The following AFF2 variants were observed in gnomAD, a reference collection of about 807,000 sequenced individuals.
AFF2 encodes AF4/FMR2 family member 2.
AFF2 carries 14 observed loss-of-function variants against 76.9 expected under a neutral mutation model. The ratio of observed to expected loss-of-function variants is 0.18; its 90% confidence interval spans 0.12 to 0.28. The LOEUF is 0.28. Among genes scored for constraint, AFF2 ranks in the 10% least tolerant of loss-of-function variants. The pLI is 1.00. For synonymous variants in AFF2, 398 were observed against 366.7 expected (o/e 1.09, Z -0.98); for missense variants, 868 against 1,001.1 (o/e 0.87, Z 1.79).
chrX:148,709,790 G>A lies in AFF2; in HGVS notation c.1041+47022G>A, dbSNP rs12862710. Among the ~76,000 whole-genome samples the A allele has an allele frequency of 3.6e-3, 405 of 111,755 alleles. 2 individuals are homozygous for A. Among genetic ancestry groups the A allele is most frequent in the African/African-American group, 0.013 (389 of 30,787 alleles). On this transcript the variant is annotated intron_variant, in intron 3 of 20. Transcript: ENST00000370460. ...TTTGCATGTTCTCTGAAGTCAGGAAGGCATTATTACTTATCTCGCTTCAAT... is the reference window on the plus strand; with the variant it reads ...TTTGCATGTTCTCTGAAGTCAGGAAAGCATTATTACTTATCTCGCTTCAAT...
In AFF2 at chrX:148,570,141, C is replaced by T. The variant is rs186485715; in HGVS notation, c.47+68997C>T. Among the ~76,000 whole-genome samples the T allele has an allele frequency of 2.0e-3, 221 of 112,234 alleles. 1 individual carries two copies. The highest frequency in any genetic ancestry group is 6.9e-3 in the African/African-American group (213 of 30,957). ...TTTTGGTCTGTAATCTCCAAACAGTCATTGTCATCATCATCAAGCCTACTT... is the reference window on the plus strand; with the variant it reads ...TTTTGGTCTGTAATCTCCAAACAGTTATTGTCATCATCATCAAGCCTACTT... On this transcript the variant is annotated intron_variant, in intron 1 of 20. Coordinates refer to ENST00000370460, the MANE Select transcript of AFF2 (RefSeq NM_002025.4).
At chrX:148,920,923 AC>A (rs782681757) in intron 9 of AFF2, among the ~76,000 whole-genome samples, 2 of 110,594 alleles carry the variant, frequency 1.8e-5, no homozygotes, top group Non-Finnish European at 3.8e-5. Flanking sequence ...GTGTAAGGCT[AC>A]CCCTAACTGA....
intron 8 of AFF2, among the ~76,000 whole-genome samples, chrX:148,903,317 A>G (rs1304857939): frequency 8.9e-6 from 1 of 112,286 alleles, no homozygotes; most frequent in Non-Finnish European, 1.9e-5. Context: ...AGGTGCTTAA[A>G]CAGTTTGATA....
At chrX:148,561,691 T>A (rs941522541) in intron 1 of AFF2, among the ~76,000 whole-genome samples, 1 of 111,020 alleles carries the variant, frequency 9.0e-6, no homozygotes, top group South Asian at 3.8e-4. Flanking sequence ...CTAGAAGGAA[T>A]GCGGTGGAAT....
At chrX:148,791,825 C>T (rs1260457219) in intron 3 of AFF2, among the ~76,000 whole-genome samples, 2 of 110,862 alleles carry the variant, frequency 1.8e-5, no homozygotes, top group Non-Finnish European at 3.8e-5. Context: ...GTTACTGAGC[C>T]GGGTGTATAT....
At chrX:148,685,096 A>C (rs1458773166) in intron 3 of AFF2, among the ~76,000 whole-genome samples, 1 of 111,907 alleles carries the variant, frequency 8.9e-6, no homozygotes, top group South Asian at 3.7e-4. Context: ...GTAGGCAATT[A>C]AGTGCAAATT....
intron 7 of AFF2, among the ~76,000 whole-genome samples, chrX:148,881,276 T>TA (rs1411565708): frequency 9.0e-6 from 1 of 111,720 alleles, no homozygotes. Context: ...TGCCCAGTCT[T>TA]ACACGCAAAC....
intron 2 of AFF2, among the ~76,000 whole-genome samples, chrX:148,655,430 C>T (rs1324088250): frequency 2.7e-5 from 3 of 110,291 alleles, no homozygotes; most frequent in African/African-American, 1.0e-4. Flanking sequence ...TGTGCACCAC[C>T]ATGTCCGACT....
intron 7 of AFF2, among the ~76,000 whole-genome samples, chrX:148,858,877 A>G (rs2070815401): frequency 1.8e-5 from 2 of 109,725 alleles, no homozygotes; most frequent in African/African-American, 6.6e-5. Flanking sequence ...ATTCCTCAAA[A>G]TGATTCTTTT....
At chrX:148,722,416 G>T (rs2055105465) in intron 3 of AFF2, among the ~76,000 whole-genome samples, 1 of 109,771 alleles carries the variant, frequency 9.1e-6, no homozygotes, top group Non-Finnish European at 1.9e-5. Flanking sequence ...TTAAAGAATG[G>T]CCCTTCCCTC....
intron 4 of AFF2, among the ~76,000 whole-genome samples, chrX:148,811,226 A>T (rs2124641517): frequency 9.0e-6 from 1 of 110,893 alleles, no homozygotes; most frequent in African/African-American, 3.3e-5. Flanking sequence ...GTTTCATCCA[A>T]AACCAACTCC....
chrX:148,759,184 A>G (rs1438353995), intron 3 of AFF2, among the ~76,000 whole-genome samples: 1 of 112,336 alleles, frequency 8.9e-6, no homozygotes, highest in Non-Finnish European at 1.9e-5. Flanking sequence ...TGTGTCGCCT[A>G]GACATAGGAC....
At chrX:148,770,505 A>C (rs993454249) in intron 3 of AFF2, among the ~76,000 whole-genome samples, 6 of 111,650 alleles carry the variant, frequency 5.4e-5, no homozygotes, top group African/African-American at 2.0e-4. Context: ...CTACAAATGG[A>C]GGAACTGTTA....
intron 7 of AFF2, among the ~76,000 whole-genome samples, chrX:148,854,228 C>T (rs2070763026): frequency 8.9e-6 from 1 of 111,854 alleles, no homozygotes; most frequent in Non-Finnish European, 1.9e-5. Context: ...CAGCGACAGC[C>T]TCTTAATTGA....
chrX:148,741,645 G>A (rs1557265676), intron 3 of AFF2, among the ~76,000 whole-genome samples: 1 of 110,891 alleles, frequency 9.0e-6, no homozygotes, highest in Non-Finnish European at 1.9e-5. Context: ...CCTCCCCTGG[G>A]TTCTGGCCAG....
chrX:148,504,226 T>TTGA (rs2052383248), intron 1 of AFF2, among the ~76,000 whole-genome samples: 1 of 110,516 alleles, frequency 9.0e-6, no homozygotes, highest in Non-Finnish European at 1.9e-5. Context: ...CCACCCAGTA[T>TTGA]TGATTAGGTA....
intron 1 of AFF2, among the ~76,000 whole-genome samples, chrX:148,539,073 T>A (rs2214041): frequency 6.4e-4 from 71 of 111,422 alleles, no homozygotes; most frequent in Admixed American, 2.7e-3. Flanking sequence ...TAAAAAAAAT[T>A]TTTTTTCATT....
At chrX:148,962,620 A>C (rs1302406658) in intron 12 of AFF2, 95 bp from the exon 13 acceptor site, 1 of 719,673 alleles carries the variant, frequency 1.4e-6, no homozygotes, top group African/African-American at 2.2e-5. Flanking sequence ...CAGCAATTAA[A>C]ATATGACTTC....
At chrX:148,664,417 T>G (rs1039100084) in intron 3 of AFF2, among the ~76,000 whole-genome samples, 7 of 111,731 alleles carry the variant, frequency 6.3e-5, no homozygotes, top group African/African-American at 2.3e-4. Flanking sequence ...GCCTAGAATG[T>G]CTTTCCCCAC....
Sources: gnomAD v4.1 joint callset for allele counts (sites outside exome capture counted in the v4.1 genomes callset) on GRCh38, gnomAD v4.1.1 for gene constraint, MANE v1.5 for transcripts, NCBI Gene and HGNC (gene_info 2026-07-23, HGNC 2026-07-21) for gene names.